PCMT1: variants seen among roughly 807,000 people sequenced by gnomAD.
PCMT1 encodes protein-L-isoaspartate (D-aspartate) O-methyltransferase, also known as protein-L-isoaspartate(D-aspartate) O-methyltransferase.
A neutral mutation model predicts 29.2 loss-of-function variants in PCMT1; 9 were observed. The ratio of observed to expected loss-of-function variants is 0.31; its 90% confidence interval spans 0.19 to 0.54. The LOEUF (loss-of-function observed/expected upper bound fraction) is 0.54, where lower values mean the gene tolerates loss of function less well. PCMT1 is among the 20% of genes least tolerant of loss of function. The pLI, the probability that PCMT1 is intolerant of heterozygous loss-of-function variation, is 0.95. For synonymous variants in PCMT1, 98 were observed against 97.5 expected, an observed-to-expected ratio of 1.00 and a Z score of -0.03; for missense variants, 184 against 282.2, an observed-to-expected ratio of 0.65 and a Z score of 2.49.
In PCMT1 at chr6:149,801,273, T is replaced by C. The variant is rs188654895; in HGVS notation, c.505-927T>C. Among the ~76,000 whole-genome samples, 16 of 152,346 alleles carry C rather than the reference T, an allele frequency of 1.1e-4. No individual in the cohort carries two copies. The East Asian group carries it at 3.1e-3, about 29-fold the overall frequency. On this transcript the variant is annotated intron_variant, in intron 6 of 7. Coordinates refer to ENST00000464889, the MANE Select transcript of PCMT1 (RefSeq NM_001360452.2). Reference sequence around the variant, plus strand: ...ATAGCCTGAAGGTAATTTTGTATAATATTTCAAATAATTTTGTGCATGGAA... The same window carrying C: ...ATAGCCTGAAGGTAATTTTGTATAACATTTCAAATAATTTTGTGCATGGAA...
chr6:149,807,366 TTTTA>T (rs780996862), intron 7 of PCMT1, among the ~76,000 whole-genome samples: 60 of 152,026 alleles, frequency 3.9e-4, no homozygotes, highest in Non-Finnish European at 8.1e-4. Flanking sequence ...AAAGTTTTAT[TTTTA>T]TTTATTTATA....
chr6:149,782,415 C>A (rs990711905), intron 3 of PCMT1, among the ~76,000 whole-genome samples: 3 of 151,996 alleles, frequency 2.0e-5, no homozygotes, highest in East Asian at 1.9e-4. Context: ...TTTTCCAAAC[C>A]TGTAAAGAAA....
At chr6:149,795,067 C>T (rs1472877582) in intron 5 of PCMT1, among the ~76,000 whole-genome samples, 5 of 152,114 alleles carry the variant, frequency 3.3e-5, no homozygotes, top group African/African-American at 1.2e-4. Flanking sequence ...GTGGCAGGCA[C>T]CTGTAATCCT....
chr6:149,771,745 T>C (rs1373231480), intron 2 of PCMT1, among the ~76,000 whole-genome samples: 1 of 152,050 alleles, frequency 6.6e-6, no homozygotes, highest in Non-Finnish European at 1.5e-5. Context: ...TCGGAACTCC[T>C]GAGCTCAGGC....
intron 1 of PCMT1, among the ~76,000 whole-genome samples, chr6:149,757,758 T>A (rs1786567034): frequency 1.3e-5 from 2 of 152,210 alleles, no homozygotes; most frequent in South Asian, 4.1e-4. Context: ...GTAAGGGATA[T>A]TGTAGAAGGG....
chr6:149,759,503 C>A (rs549392020), intron 1 of PCMT1, among the ~76,000 whole-genome samples: 70 of 151,322 alleles, frequency 4.6e-4, no homozygotes, highest in Non-Finnish European at 7.8e-4. Flanking sequence ...TTCTTTCTTT[C>A]TTTTTTTTGA....
chr6:149,786,392 G>T (rs1414784149), intron 3 of PCMT1, among the ~76,000 whole-genome samples: 1 of 134,166 alleles, frequency 7.5e-6, no homozygotes, highest in Non-Finnish European at 1.6e-5. Flanking sequence ...CCTCCCGGAC[G>T]GGGTGGCTGG....
chr6:149,761,037 G>A (rs1187754667), intron 1 of PCMT1, among the ~76,000 whole-genome samples: 3 of 134,016 alleles, frequency 2.2e-5, no homozygotes, highest in African/African-American at 1.2e-4. Flanking sequence ...GTGTGTGTGT[G>A]TGTGTGTGTG....
chr6:149,751,590 T>C (rs919502199), intron 1 of PCMT1, among the ~76,000 whole-genome samples: 4 of 151,372 alleles, frequency 2.6e-5, no homozygotes, highest in Admixed American at 6.6e-5. Context: ...CAAACAATTG[T>C]CCTGTCTCAG....
At chr6:149,780,850 C>T (rs145737390) in intron 3 of PCMT1, among the ~76,000 whole-genome samples, 72 of 152,114 alleles carry the variant, frequency 4.7e-4, no homozygotes, top group Admixed American at 2.2e-3. Flanking sequence ...TCATTTCTCT[C>T]GAGTATTTAC....
rs151299021 is a variant in PCMT1 at position 149,773,417 on chromosome 6, C to A, written c.192+248C>A. On this transcript the variant is annotated intron_variant, in intron 3 of 7. Coordinates refer to ENST00000464889, the MANE Select transcript of PCMT1 (RefSeq NM_001360452.2). ...TTTTTGAGATGGAGTCTCGCTCTGT[C>A]GCCCAGGCTAGAGTGCAGTGGCACA... Among the ~76,000 whole-genome samples the A allele has an allele frequency of 4.7e-3, 719 of 152,126 alleles. 5 individuals carry two copies. Among genetic ancestry groups the A allele is most frequent in the African/African-American group, 0.016 (681 of 41,490 alleles).
intron 3 of PCMT1, among the ~76,000 whole-genome samples, chr6:149,781,514 G>A (rs372721416): frequency 1.1e-4 from 16 of 152,062 alleles, no homozygotes; most frequent in Admixed American, 2.6e-4. Flanking sequence ...CGTGAGCCAC[G>A]GCGCCCGGCC....
chr6:149,783,963 C>T (rs886889343), intron 3 of PCMT1, among the ~76,000 whole-genome samples: 2 of 152,280 alleles, frequency 1.3e-5, no homozygotes, highest in Non-Finnish European at 2.9e-5. Context: ...TCAGAGCACT[C>T]GGATTATAGG....
chr6:149,762,610 GAT>G (rs67143527), intron 1 of PCMT1, among the ~76,000 whole-genome samples: 32 of 10,744 alleles, frequency 3.0e-3, no homozygotes, highest in Admixed American at 4.3e-3. Context: ...ATATATCTAT[GAT>G]ATATATATAT....
chr6:149,806,114 G>A (rs1293583820), intron 7 of PCMT1, among the ~76,000 whole-genome samples: 4 of 151,866 alleles, frequency 2.6e-5, no homozygotes, highest in Non-Finnish European at 5.9e-5. Flanking sequence ...AATATTATTC[G>A]TGAATTCAAC....
chr6:149,758,681 T>C (rs1382709949), intron 1 of PCMT1, among the ~76,000 whole-genome samples: 1 of 152,146 alleles, frequency 6.6e-6, no homozygotes. Context: ...CCAAGGAACA[T>C]ATCCTTTGAG....
At chr6:149,809,054 A>G (rs529905193) in intron 7 of PCMT1, among the ~76,000 whole-genome samples, 1 of 150,652 alleles carries the variant, frequency 6.6e-6, no homozygotes, top group African/African-American at 2.4e-5. Flanking sequence ...CAGGAGTTCG[A>G]GACCAGCCTG....
chr6:149,786,627 C>A (rs1342671582), intron 3 of PCMT1, among the ~76,000 whole-genome samples: 3 of 144,118 alleles, frequency 2.1e-5, no homozygotes, highest in African/African-American at 5.3e-5. Flanking sequence ...CGCTCCTCAC[C>A]TCCCAGACGG....
At chr6:149,802,854 G>C (rs572129348) in intron 7 of PCMT1, among the ~76,000 whole-genome samples, 1 of 151,990 alleles carries the variant, frequency 6.6e-6, no homozygotes, top group East Asian at 1.9e-4. Context: ...AGGAGTTTGA[G>C]ACTAGCCTGG....
Sources: allele counts gnomAD v4.1 joint callset (sites outside exome capture counted in the v4.1 genomes callset), GRCh38; gene constraint gnomAD v4.1.1; transcripts MANE v1.5; gene names NCBI Gene and HGNC (gene_info 2026-07-23, HGNC 2026-07-21).